Variants in HDAC4 observed in about 807,000 individuals in gnomAD.
HDAC4 encodes the protein histone deacetylase A.
HDAC4 carries 16 observed loss-of-function variants against 135.1 expected under a neutral mutation model. The observed-to-expected ratio is 0.12, with a 90% CI of 0.08 to 0.18. The LOEUF (loss-of-function observed/expected upper bound fraction) is 0.18, where lower values mean the gene tolerates loss of function less well. HDAC4 is among the 10% of genes least tolerant of loss of function. The pLI is 1.00. For synonymous variants in HDAC4, 685 were observed against 653.4 expected (o/e 1.05, Z -0.74); for missense variants, 1,143 against 1,511.8 (o/e 0.76, Z 4.05).
intron 18 of HDAC4, 53 bp downstream of exon 18, chr2:239,089,956 G>A: frequency 1.5e-6 from 2 of 1,342,574 alleles, no homozygotes; most frequent in Non-Finnish European, 2.1e-6. Context: ...CCCCACACTG[G>A]GAATCTATGG....
intron 3 of HDAC4, among the ~76,000 whole-genome samples, chr2:239,201,952 G>A (rs970055367): frequency 1.3e-5 from 2 of 152,174 alleles, no homozygotes; most frequent in African/African-American, 4.8e-5. Context: ...TGCATAATAA[G>A]GTATGAACTC....
rs113697948 is a variant in HDAC4, at chr2:239,303,500, C to T, written c.22+49178G>A. Among the ~76,000 whole-genome samples, 72 of 152,282 alleles carry T rather than the reference C, an allele frequency of 4.7e-4. No individual in the cohort carries two copies. The highest frequency in any genetic ancestry group is 1.6e-3 in the African/African-American group (68 of 41,568). ...AGACACGGCAGCGTGCTTCCTCGAT[C>T]TCCCCGCTCCTTTCTCGGGACAGCC... On this transcript the variant is annotated intron_variant, in intron 2 of 26. Coordinates refer to ENST00000543185, the MANE Select transcript of HDAC4 (RefSeq NM_001378414.1). The surrounding 1 kb of genome is among the most constrained non-coding windows in gnomAD (Gnocchi z 5.1).
chr2:239,208,302 G>A (rs1397046092), intron 3 of HDAC4, among the ~76,000 whole-genome samples: 2 of 144,764 alleles, frequency 1.4e-5, no homozygotes, highest in African/African-American at 5.3e-5. Flanking sequence ...ACTCCAGCCT[G>A]GGGGACAGAG....
intron 3 of HDAC4, among the ~76,000 whole-genome samples, chr2:239,192,629 A>T: frequency 6.6e-6 from 1 of 152,126 alleles, no homozygotes; most frequent in East Asian, 1.9e-4. Flanking sequence ...GCGGTGCTAA[A>T]TGCTTTCCTG....
At position 239,357,813 on chromosome 2, in the gene HDAC4, C is replaced by T. The variant is rs993667703; in HGVS notation, c.-219-4895G>A. 5.5e-5 allele frequency among the ~76,000 whole-genome samples: 8 copies of T among 146,698 alleles called. No homozygotes were observed. In the Admixed American group the frequency reaches 5.6e-4, roughly 10 times the overall value. ...CTGAGGTGGGAGGATCACTTGAACC[C>T]GGGAGGTCAAGGCTGCAGTGAGCCA... On this transcript the variant is annotated intron_variant, in intron 1 of 26. Coordinates refer to ENST00000543185, the MANE Select transcript of HDAC4 (RefSeq NM_001378414.1).
At position 239,115,638 on chromosome 2, in the gene HDAC4, C is replaced by T. The variant is rs2039060013; in HGVS notation, c.1534-328G>A. On this transcript the variant is annotated intron_variant, in intron 12 of 26. Transcript: ENST00000543185. This position sits in a 1 kb window ranked among gnomAD's most constrained non-coding sequence, Gnocchi z 6.3. ...ACAGAAAAGAAGCTGCAGGTGTCAACAGAGTCTGCAGAGGAGAGCTTGAGT... is the reference window on the plus strand; with the variant it reads ...ACAGAAAAGAAGCTGCAGGTGTCAATAGAGTCTGCAGAGGAGAGCTTGAGT... Among the ~76,000 whole-genome samples, 1 of 152,072 alleles carries T rather than the reference C, an allele frequency of 6.6e-6. No individual in the cohort carries two copies. Among genetic ancestry groups the T allele is most frequent in the Non-Finnish European group, 1.5e-5 (1 of 67,996 alleles).
At chr2:239,354,930 T>C (rs553073626) in intron 1 of HDAC4, among the ~76,000 whole-genome samples, 21 of 152,234 alleles carry the variant, frequency 1.4e-4, no homozygotes, top group African/African-American at 4.8e-4. Flanking sequence ...AAATCTTAGA[T>C]CACAAATATG....
chr2:239,082,266 G>A, intron 20 of HDAC4, 45 bp from the exon 21 acceptor site: 1 of 1,613,928 alleles, frequency 6.2e-7, no homozygotes, highest in South Asian at 1.1e-5. Context: ...GCAGGTATTG[G>A]AGGGTGGCCT....
rs546674438 is a variant in HDAC4, at chr2:239,239,563, G to C, written c.23-2899C>G. Among the ~76,000 whole-genome samples, 45 of 152,240 alleles carry C rather than the reference G, an allele frequency of 3.0e-4. 1 individual carries two copies. The highest frequency in any genetic ancestry group is 2.7e-3 in the Admixed American group (41 of 15,304). ...CCTCCTTAGGAATAACGAAAGGCTC[G>C]CTGGACACTCAGGAAGCTCCTGGGA... is the stretch of plus-strand genomic sequence containing the variant. On this transcript the variant is annotated intron_variant, in intron 2 of 26. Transcript: ENST00000543185.
At chr2:239,317,943 CA>C (rs1349144303) in intron 2 of HDAC4, among the ~76,000 whole-genome samples, 1 of 147,874 alleles carries the variant, frequency 6.8e-6, no homozygotes, top group Non-Finnish European at 1.5e-5. Flanking sequence ...AGAACGGTGA[CA>C]CTAGATGACC....
chr2:239,267,668 T>G (rs1009951540), intron 2 of HDAC4, among the ~76,000 whole-genome samples: 2 of 152,264 alleles, frequency 1.3e-5, no homozygotes, highest in African/African-American at 4.8e-5. Context: ...AGAAGAGGCC[T>G]GTGCCAGGGG....
In HDAC4 at chr2:239,096,563, C is replaced by T. The variant is rs1194795173; in HGVS notation, c.2234-1507G>A. On this transcript the variant is annotated intron_variant, in intron 16 of 26. Coordinates refer to ENST00000543185, the MANE Select transcript of HDAC4 (RefSeq NM_001378414.1). Reference sequence around the variant, plus strand: ...CACGGATGCCCACGCCCCCCACAGACGCCTACACCCCCCACGAACACCTGC... The same window carrying T: ...CACGGATGCCCACGCCCCCCACAGATGCCTACACCCCCCACGAACACCTGC... Among the ~76,000 whole-genome samples, 206 of 75,950 alleles carry T rather than the reference C, an allele frequency of 2.7e-3. 3 individuals are homozygous for T. The highest frequency in any genetic ancestry group is 0.01 in the African/African-American group (191 of 18,810). 49.8% of individuals were successfully genotyped at this position (75,950 alleles called of 152,430 possible).
intron 12 of HDAC4, among the ~76,000 whole-genome samples, chr2:239,120,937 C>T (rs2039631059): frequency 6.6e-6 from 1 of 151,854 alleles, no homozygotes; most frequent in Admixed American, 6.6e-5. Flanking sequence ...GGAGACGGCC[C>T]AGGGAGGACT....
At chr2:239,155,038 G>C (rs1216460921) in intron 7 of HDAC4, 1 of 152,402 alleles carries the variant, frequency 6.6e-6, no homozygotes, top group Non-Finnish European at 1.5e-5. Context: ...TGAGGTCACA[G>C]CTGGCCTGTT....
chr2:239,342,179 G>A (rs1692339176), intron 2 of HDAC4, among the ~76,000 whole-genome samples: 1 of 151,868 alleles, frequency 6.6e-6, no homozygotes, highest in African/African-American at 2.4e-5. Context: ...CCACATTATG[G>A]AAGCAATCTT....
At chr2:239,335,400 A>C (rs1033307771) in intron 2 of HDAC4, among the ~76,000 whole-genome samples, 18 of 151,960 alleles carry the variant, frequency 1.2e-4, no homozygotes, top group African/African-American at 4.1e-4. Flanking sequence ...CACAGATCTA[A>C]ATGAGTGATA....
At chr2:239,327,021 T>G (rs1284680512) in intron 2 of HDAC4, among the ~76,000 whole-genome samples, 1 of 152,198 alleles carries the variant, frequency 6.6e-6, no homozygotes, top group Non-Finnish European at 1.5e-5. Flanking sequence ...ACCACATCAC[T>G]CACTGGCGGT....
intron 2 of HDAC4, among the ~76,000 whole-genome samples, chr2:239,335,024 C>CAAAA (rs35641548): frequency 1.8e-4 from 17 of 94,386 alleles, no homozygotes; most frequent in East Asian, 1.2e-3. Context: ...GACTCCATCT[C>CAAAA]AAAAAAAAAA....
chr2:239,339,026 G>C (rs531644372), intron 2 of HDAC4, among the ~76,000 whole-genome samples: 18 of 152,332 alleles, frequency 1.2e-4, no homozygotes, highest in Non-Finnish European at 1.2e-4. Flanking sequence ...TATGTATTTA[G>C]TTTACATAAA....
Sources: gnomAD v4.1 joint callset for allele counts (sites outside exome capture counted in the v4.1 genomes callset) on GRCh38, gnomAD v4.1.1 for gene constraint, Gnocchi (gnomAD v3.1) non-coding constraint, MANE v1.5 for transcripts, NCBI Gene and HGNC (gene_info 2026-07-23, HGNC 2026-07-21) for gene names.